Variants in DNAH17 observed in about 807,000 individuals in gnomAD.
DNAH17 encodes the protein dynein axonemal heavy chain 17.
Under a neutral mutation model 485.6 loss-of-function variants are expected in DNAH17, and 376 were observed. The ratio of observed to expected loss-of-function variants is 0.77; its 90% confidence interval spans 0.71 to 0.84. The LOEUF is 0.84. Among genes scored for constraint, DNAH17 ranks in the 40% least tolerant of loss-of-function variants. The pLI is 0.00. For missense variants in DNAH17, 6,370 were observed against 5,839.3 expected (o/e 1.09, Z -2.96); for synonymous variants, 3,031 against 2,405.9 (o/e 1.26, Z -7.60).
Position 78,479,083 on chromosome 17 carries a change from G to T in DNAH17, c.7934C>A (p.Pro2645His). ...GACATAATGAAACTTAATGGCCGTG[G>T]GAAGAAATGTTGCCGTGATTTTCTG... ...LHQKITATFL[P>H]TAIKFHYVFN... The change falls in exon 51 of 81, where the codon CCC (proline) becomes CAC (histidine). Residue 2645 changes from proline (P) to histidine (H), a missense_variant. Coordinates refer to ENST00000389840, the MANE Select transcript of DNAH17 (RefSeq NM_173628.4). 6.2e-7 allele frequency: 1 copy of T among 1,614,028 alleles called. No homozygotes were observed. The highest frequency in any genetic ancestry group is 8.5e-7 in the Non-Finnish European group (1 of 1,179,892).
At chr17:78,575,554 C>T (rs568601447) in intron 1 of DNAH17, among the ~76,000 whole-genome samples, 4 of 152,262 alleles carry the variant, frequency 2.6e-5, no homozygotes, top group African/African-American at 7.2e-5. Context: ...ACGTGCAGGC[C>T]GTGAGGCTCA....
At chr17:78,508,670 A>G (rs913050172) in intron 27 of DNAH17, among the ~76,000 whole-genome samples, 4 of 152,152 alleles carry the variant, frequency 2.6e-5, no homozygotes, top group African/African-American at 9.7e-5. Context: ...AAAGTGGATT[A>G]GTGGTTGCCT....
intron 11 of DNAH17, among the ~76,000 whole-genome samples, chr17:78,563,181 A>G (rs919774871): frequency 6.6e-6 from 1 of 152,178 alleles, no homozygotes; most frequent in East Asian, 1.9e-4. Flanking sequence ...AAATTGTTCA[A>G]ATCTTCCTTA....
At chr17:78,521,276 T>C (rs1025191348) in intron 25 of DNAH17, among the ~76,000 whole-genome samples, 2 of 151,828 alleles carry the variant, frequency 1.3e-5, no homozygotes, top group Admixed American at 1.3e-4. Flanking sequence ...TGGAGTGGTG[T>C]GTGTCTGTAA....
intron 14 of DNAH17, 48 bp from the exon 15 acceptor site, chr17:78,552,853 A>G (rs576325391): frequency 8.1e-6 from 11 of 1,358,368 alleles, no homozygotes; most frequent in African/African-American, 5.7e-5. Context: ...ACCAGATTTT[A>G]AATTGTTCTC....
chr17:78,432,052 C>T lies in DNAH17; in HGVS notation c.12225+1977G>A, dbSNP rs143198480. Reference sequence around the variant, plus strand: ...AACAAAAAAAACCTGGCATTGTGGCCGCTGTAGTCCCAGCTACTTGAGAGG... The same window carrying T: ...AACAAAAAAAACCTGGCATTGTGGCTGCTGTAGTCCCAGCTACTTGAGAGG... On this transcript the variant is annotated intron_variant, in intron 75 of 80. Coordinates refer to ENST00000389840, the MANE Select transcript of DNAH17 (RefSeq NM_173628.4). 2.8e-3 allele frequency among the ~76,000 whole-genome samples: 419 copies of T among 151,868 alleles called. 1 individual carries two copies. The highest frequency in any genetic ancestry group is 4.5e-3 in the Non-Finnish European group (306 of 67,912).
In DNAH17 at chr17:78,560,849, T is replaced by A; in HGVS notation, c.1922A>T (p.Tyr641Phe). 6.4e-7 allele frequency: 1 copy of A among 1,551,860 alleles called. No individual in the cohort carries two copies. The highest frequency in any genetic ancestry group is 8.7e-7 in the Non-Finnish European group (1 of 1,147,130). The part of the protein sequence containing the change: ...ELLRCHREKI[Y>F]QQWVAGVDQD... ...GTCCACGCCCGCCACCCACTGCTGG[T>A]AGATCTTCTCGCGGTGGCACCTCAG... is the stretch of plus-strand genomic sequence containing the variant. The change falls in exon 13 of 81, where the codon TAC becomes TTC. Residue 641 changes from tyrosine to phenylalanine, a missense_variant. By Grantham distance (22) the Tyr-to-Phe change is conservative. Transcript: ENST00000389840.
chr17:78,495,624 G>T (rs896327534), intron 38 of DNAH17, among the ~76,000 whole-genome samples: 1 of 152,068 alleles, frequency 6.6e-6, no homozygotes, highest in Non-Finnish European at 1.5e-5. Context: ...TTTTAGTAGG[G>T]ACGGGGTTTC....
chr17:78,487,007 T>A (rs1465492370), intron 44 of DNAH17, among the ~76,000 whole-genome samples: 7 of 117,906 alleles, frequency 5.9e-5, no homozygotes, highest in Admixed American at 1.7e-4. Context: ...TTTTTTTTTT[T>A]AAGCTTCAGT....
At chr17:78,448,094 C>A (rs2087388942) in intron 69 of DNAH17, among the ~76,000 whole-genome samples, 1 of 151,860 alleles carries the variant, frequency 6.6e-6, no homozygotes, top group South Asian at 2.1e-4. Flanking sequence ...ACTGCTTGAA[C>A]CCGGGAGGTG....
intron 11 of DNAH17, among the ~76,000 whole-genome samples, chr17:78,562,700 C>T (rs946679673): frequency 4.6e-5 from 7 of 152,218 alleles, no homozygotes; most frequent in Non-Finnish European, 1.0e-4. Context: ...ACCTGGGCTT[C>T]TACTCTGATA....
chr17:78,572,884 GAA>G lies in DNAH17; in HGVS notation c.354_355del (p.Leu120ValfsTer5), dbSNP rs1568276817. On this transcript the variant is annotated frameshift_variant, in exon 3 of 81. Transcript: ENST00000389840. LOFTEE classifies it high-confidence loss of function. ...CATGTTCTCACTTTGGTTTAACAGA[GAA>G]GAGAGGACCTAAAAGGAAACACTTC... 2 of 1,613,620 alleles carry G rather than the reference GAA, an allele frequency of 1.2e-6. No individual in the cohort carries two copies. Among genetic ancestry groups the G allele is most frequent in the Non-Finnish European group, 1.7e-6 (2 of 1,179,746 alleles).
chr17:78,462,533 T>C lies in DNAH17; in HGVS notation c.9174+311A>G, dbSNP rs181140100. ...TGAATGGTATTTACGAATGAACAAA[T>C]GCATTTGTATTGACTGCATTGGGCA... On this transcript the variant is annotated intron_variant, in intron 57 of 80. Transcript: ENST00000389840. Among the ~76,000 whole-genome samples the C allele has an allele frequency of 3.5e-3, 536 of 152,258 alleles. 4 individuals carry two copies. The highest frequency in any genetic ancestry group is 9.5e-3 in the Admixed American group (146 of 15,300).
At chr17:78,429,701 T>G (rs115962309) in intron 75 of DNAH17, among the ~76,000 whole-genome samples, 1,819 of 152,296 alleles carry the variant, frequency 0.012, 38 homozygotes, top group African/African-American at 0.041. Flanking sequence ...TGTTACCATC[T>G]GAGACTCTGC....
At chr17:78,498,382 AGCCCAGT>A (rs1258610089) in intron 37 of DNAH17, among the ~76,000 whole-genome samples, 14 of 152,164 alleles carry the variant, frequency 9.2e-5, no homozygotes, top group Non-Finnish European at 1.9e-4. Context: ...TACCTTAGAC[AGCCCAGT>A]GCTTCTCAAC....
At chr17:78,566,129 C>CA (rs1462371026) in intron 11 of DNAH17, among the ~76,000 whole-genome samples, 3 of 152,254 alleles carry the variant, frequency 2.0e-5, no homozygotes, top group East Asian at 3.9e-4. Context: ...CTGGACCTCC[C>CA]AGCCTCCAGA....
At chr17:78,426,707 C>T (rs2086480887) in intron 78 of DNAH17, 107 bp from the exon 79 acceptor site, 4 of 1,444,282 alleles carry the variant, frequency 2.8e-6, no homozygotes, top group Middle Eastern at 2.3e-4. Context: ...TTGTGCTGCG[C>T]CTCTGGAGAC....
intron 19 of DNAH17, among the ~76,000 whole-genome samples, chr17:78,536,874 G>A (rs1427469414): frequency 2.0e-5 from 3 of 151,934 alleles, no homozygotes; most frequent in African/African-American, 7.3e-5. Flanking sequence ...GTCACACGAT[G>A]TCATTTAAAA....
At position 78,476,580 on chromosome 17, in the gene DNAH17, ACTT is replaced by A; in HGVS notation, c.8143_8145del (p.Lys2715del). On this transcript the variant is annotated inframe_deletion, in exon 52 of 81. Transcript: ENST00000389840. ...TGGGCAGCTTGACTTACATCAAAGA[ACTT>A]CTTGGTGGAGGCCATGGTGACTCTA... 4 of 1,608,512 alleles carry A rather than the reference ACTT, an allele frequency of 2.5e-6. No homozygotes were observed. Among genetic ancestry groups the A allele is most frequent in the Non-Finnish European group, 3.4e-6 (4 of 1,177,586 alleles).
Sources: allele counts gnomAD v4.1 joint callset (sites outside exome capture counted in the v4.1 genomes callset), GRCh38; gene constraint gnomAD v4.1.1; transcripts MANE v1.5; gene names NCBI Gene and HGNC (gene_info 2026-07-23, HGNC 2026-07-21).